Variants in USP24 observed in about 807,000 individuals in gnomAD.
USP24 encodes the protein ubiquitin carboxyl-terminal hydrolase 24.
A neutral mutation model predicts 361.6 loss-of-function variants in USP24; 97 were observed. The observed-to-expected ratio is 0.27, with a 90% CI of 0.23 to 0.32. The LOEUF is 0.32. Among genes scored for constraint, USP24 ranks in the 10% least tolerant of loss-of-function variants. The pLI is 1.00. For missense variants in USP24, 2,353 were observed against 3,165.6 expected (o/e 0.74, Z 6.16); for synonymous variants, 1,098 against 1,124.6 (o/e 0.98, Z 0.47).
intron 1 of USP24, among the ~76,000 whole-genome samples, chr1:55,183,681 CA>C (rs1252137077): frequency 6.6e-6 from 1 of 152,106 alleles, no homozygotes; most frequent in Non-Finnish European, 1.5e-5. Context: ...ACATTAAATG[CA>C]AATGGACAAT....
chr1:55,132,386 G>C (rs1489162375), intron 31 of USP24, among the ~76,000 whole-genome samples, 159 bp downstream of exon 31: 1 of 152,168 alleles, frequency 6.6e-6, no homozygotes, highest in Non-Finnish European at 1.5e-5. Flanking sequence ...ATATTCAAAG[G>C]CAAAAACGTT....
In USP24 at chr1:55,073,886, G is replaced by C. The variant is rs746335287; in HGVS notation, c.7468C>G (p.His2490Asp). Residue 2490 changes from histidine to aspartate, a missense_variant, in exon 64 of 68, where the codon CAT becomes GAT. Physicochemically the swap from His to Asp is moderately conservative, Grantham distance 81. Around this residue, in one of 8 missense-constraint regions of USP24, gnomAD observed 598 missense variants for 761.9 expected, o/e 0.78. Coordinates refer to ENST00000294383, the MANE Select transcript of USP24 (RefSeq NM_015306.3). ...GLLALMHHSN[H>D]VDSSRCYQCV... Reference sequence around the variant, plus strand: ...TGGTAGCAGCGACTACTGTCCACATGATTACTGTGGTGCATCAAAGCTGAG... The same window carrying C: ...TGGTAGCAGCGACTACTGTCCACATCATTACTGTGGTGCATCAAAGCTGAG... 15 of 1,578,466 alleles carry C rather than the reference G, an allele frequency of 9.5e-6. No individual in the cohort carries two copies. The highest frequency in any genetic ancestry group is 1.3e-5 in the Non-Finnish European group (15 of 1,161,372).
Position 55,177,710 on chromosome 1 carries a change from C to T in USP24, c.490+257G>A, listed in dbSNP as rs1427023564. On this transcript the variant is annotated intron_variant, in intron 2 of 67. Transcript: ENST00000294383. The stretch of plus-strand genomic sequence containing the variant: ...TGATGAGCCTTAATTTAAAGTACTC[C>T]AAGCTTCTGTGGAAAAAGTTAATTT... Among the ~76,000 whole-genome samples the T allele has an allele frequency of 2.0e-5, 3 of 152,062 alleles. No individual in the cohort carries two copies. The East Asian group carries it at 5.8e-4, about 29-fold the overall frequency.
intron 48 of USP24, among the ~76,000 whole-genome samples, 176 bp from the exon 49 acceptor site, chr1:55,097,348 C>T (rs895604807): frequency 1.3e-5 from 2 of 152,080 alleles, no homozygotes; most frequent in Non-Finnish European, 2.9e-5. Flanking sequence ...CTAAAGTAGC[C>T]TCTGGTTTGA....
At chr1:55,138,583 G>GCTGTAGTT in intron 26 of USP24, 25 bp downstream of exon 26, 1 of 1,492,376 alleles carries the variant, frequency 6.7e-7, no homozygotes, top group Non-Finnish European at 9.3e-7. Flanking sequence ...CATGAAAATG[G>GCTGTAGTT]CTGTAGTTCT....
At position 55,092,098 on chromosome 1, in the gene USP24, C is replaced by A; in HGVS notation, c.6479G>T (p.Cys2160Phe). Residue 2160 changes from cysteine to phenylalanine, a missense_variant, in exon 54 of 68, where the codon TGC (cysteine) becomes TTC (phenylalanine). Cys to Phe is a radical substitution (Grantham distance 205). Transcript: ENST00000294383. ...AAGCTGTAAGCTCACCTTTGCCATG[C>A]AAGGATAATATGGATGCTTTAATTT... ...ATKLKHPYYP[C>F]MAKVSLQLAI... The A allele has an allele frequency of 6.2e-7, 1 of 1,612,120 alleles. No homozygotes were observed. Among genetic ancestry groups the A allele is most frequent in the East Asian group, 2.2e-5 (1 of 44,752 alleles).
intron 63 of USP24, among the ~76,000 whole-genome samples, chr1:55,074,260 G>A (rs771159906): frequency 1.2e-4 from 18 of 152,096 alleles, no homozygotes; most frequent in Non-Finnish European, 2.2e-4. Flanking sequence ...AGTAGTTCTA[G>A]TACTTTTAGA....
intron 1 of USP24, among the ~76,000 whole-genome samples, chr1:55,212,712 C>T (rs1488183938): frequency 6.6e-6 from 1 of 152,178 alleles, no homozygotes; most frequent in African/African-American, 2.4e-5. Flanking sequence ...TCTCAGCCTG[C>T]CAACCTCTGC....
chr1:55,091,499 C>T (rs960149748), intron 54 of USP24, among the ~76,000 whole-genome samples: 8 of 152,302 alleles, frequency 5.3e-5, no homozygotes, highest in Middle Eastern at 3.4e-3. Flanking sequence ...AAAAACCTTT[C>T]ACGATCTCCC....
At chr1:55,123,839 T>A (rs184283236) in intron 35 of USP24, among the ~76,000 whole-genome samples, 1 of 152,320 alleles carries the variant, frequency 6.6e-6, no homozygotes, top group East Asian at 1.9e-4. Context: ...TTTCAGGCGA[T>A]AGAAGTGAAA....
Position 55,092,805 on chromosome 1 carries a change from C to G in USP24, c.6450+16G>C. On this transcript the variant is annotated intron_variant, in intron 53 of 67. Coordinates refer to ENST00000294383, the MANE Select transcript of USP24 (RefSeq NM_015306.3). ...GTAACCCTTTCTTATTTCTAACAAT[C>G]CAGTTAGTTACTTACAGCATTCAAT... The G allele has an allele frequency of 6.6e-7, 1 of 1,509,884 alleles. No individual in the cohort carries two copies. The highest frequency in any genetic ancestry group is 9.1e-7 in the Non-Finnish European group (1 of 1,104,306). The allele number at this position is 1,509,884 out of a possible 1,614,324, so 93.5% of individuals were successfully genotyped here.
At chr1:55,114,766 CG>C (rs1265896576) in intron 38 of USP24, among the ~76,000 whole-genome samples, 1 of 152,042 alleles carries the variant, frequency 6.6e-6, no homozygotes, top group African/African-American at 2.4e-5. Flanking sequence ...AAGACTTAAA[CG>C]TAAGACCTAA....
intron 57 of USP24, among the ~76,000 whole-genome samples, 200 bp from the exon 58 acceptor site, chr1:55,083,564 C>T (rs950350994): frequency 2.0e-5 from 3 of 152,052 alleles, no homozygotes; most frequent in African/African-American, 7.3e-5. Flanking sequence ...AAACAATTAA[C>T]CCCTAGTTTT....
At chr1:55,091,974 C>A (rs1645387154) in intron 54 of USP24, 49 bp downstream of exon 54, 3 of 1,355,080 alleles carry the variant, frequency 2.2e-6, no homozygotes, top group South Asian at 2.6e-5. Flanking sequence ...CAATTGAATT[C>A]ACCAGTGCCC....
chr1:55,106,037 A>C lies in USP24; in HGVS notation c.4880+109T>G, dbSNP rs1218181446. 3.5e-6 allele frequency: 3 copies of C among 846,028 alleles called. No homozygotes were observed. The African/African-American group carries it at 5.1e-5, about 14-fold the overall frequency. The allele number at this position is 846,028 out of a possible 1,614,324, so 52.4% of individuals were successfully genotyped here. A position where few individuals can be genotyped will look rare whatever the true frequency, so the allele number is the denominator to read the frequency against. ...CTTCATTTAGTGGATAATATAGGAT[A>C]CACAGACTCACAGATGGAAGACAAA... is the stretch of plus-strand genomic sequence containing the variant. On this transcript the variant is annotated intron_variant, in intron 41 of 67. Transcript: ENST00000294383.
intron 3 of USP24, 42 bp downstream of exon 3, chr1:55,176,334 C>A: frequency 2.0e-6 from 3 of 1,526,350 alleles, no homozygotes; most frequent in Non-Finnish European, 1.8e-6. Context: ...CCTGCCCCCA[C>A]CCCGACACAC....
chr1:55,198,749 C>T (rs962846594), intron 1 of USP24, among the ~76,000 whole-genome samples: 1 of 152,094 alleles, frequency 6.6e-6, no homozygotes, highest in Non-Finnish European at 1.5e-5. Context: ...TCTAAAAATG[C>T]TAAAATTCTA....
At chr1:55,140,256 G>C (rs1281192206) in intron 24 of USP24, among the ~76,000 whole-genome samples, 1 of 152,118 alleles carries the variant, frequency 6.6e-6, no homozygotes, top group Non-Finnish European at 1.5e-5. Context: ...TAAAGAAGTA[G>C]GAGTTTGGAC....
In USP24 at chr1:55,142,725, T is replaced by C. The variant is rs200124548; in HGVS notation, c.2634+17A>G. ...GCATTTACCTCAAAGAGATGTTAAA[T>C]AAAATTTGCTACTCACTTCTAATCT... On this transcript the variant is annotated intron_variant, in intron 23 of 67. Transcript: ENST00000294383. The C allele has an allele frequency of 1.9e-5, 28 of 1,468,004 alleles. No individual in the cohort carries two copies. Among genetic ancestry groups the C allele is most frequent in the Non-Finnish European group, 1.6e-5 (17 of 1,092,682 alleles). The allele number at this position is 1,468,004 out of a possible 1,614,324, so 90.9% of individuals were successfully genotyped here. A position where few individuals can be genotyped will look rare whatever the true frequency, so the allele number is the denominator to read the frequency against.
Sources: allele counts gnomAD v4.1 joint callset (sites outside exome capture counted in the v4.1 genomes callset), GRCh38; gene constraint gnomAD v4.1.1; regional missense constraint gnomAD v4.1.1; transcripts MANE v1.5; gene names NCBI Gene and HGNC (gene_info 2026-07-23, HGNC 2026-07-21).